The following ASCC3 variants were observed in gnomAD, a reference collection of about 807,000 sequenced individuals.
The protein encoded by ASCC3 is activating signal cointegrator 1 complex subunit 3.
A neutral mutation model predicts 256.3 loss-of-function variants in ASCC3; 158 were observed. That is an observed-to-expected ratio of 0.62 (90% CI 0.54 to 0.70). The LOEUF is 0.70. ASCC3 is among the 30% of genes least tolerant of loss of function. ASCC3 has a pLI of 0.00. For missense variants in ASCC3, 2,259 were observed against 2,626.0 expected, an observed-to-expected ratio of 0.86 and a Z score of 3.05; for synonymous variants, 948 against 883.4, an observed-to-expected ratio of 1.07 and a Z score of -1.30.
At chr6:100,543,226 C>G (rs192276863) in intron 36 of ASCC3, among the ~76,000 whole-genome samples, 1 of 123,306 alleles carries the variant, frequency 8.1e-6, no homozygotes, top group Non-Finnish European at 1.9e-5. Flanking sequence ...CTTAATACAA[C>G]GTAAATGCTA....
At chr6:100,826,587 C>A (rs1336100133) in intron 4 of ASCC3, among the ~76,000 whole-genome samples, 2 of 152,198 alleles carry the variant, frequency 1.3e-5, no homozygotes, top group Non-Finnish European at 2.9e-5. Context: ...CTGACCCTCA[C>A]AAGTTTTAGA....
At chr6:100,510,410 C>T (rs1380596885) in intron 40 of ASCC3, 4 of 311,788 alleles carry the variant, frequency 1.3e-5, no homozygotes, top group East Asian at 6.3e-5. Context: ...AATTCTCATG[C>T]TATTCCTACA....
intron 10 of ASCC3, among the ~76,000 whole-genome samples, chr6:100,750,248 A>T (rs949854863): frequency 6.6e-6 from 1 of 152,036 alleles, no homozygotes; most frequent in Admixed American, 6.6e-5. Context: ...GAACTTTTAG[A>T]CATTTAATAA....
chr6:100,636,290 G>A (rs549540582), intron 25 of ASCC3, among the ~76,000 whole-genome samples: 1 of 151,854 alleles, frequency 6.6e-6, no homozygotes, highest in African/African-American at 2.4e-5. Context: ...TTATTATATC[G>A]GTTATGGTGA....
chr6:100,681,101 A>G (rs1277762206), intron 13 of ASCC3, among the ~76,000 whole-genome samples: 2 of 152,190 alleles, frequency 1.3e-5, no homozygotes, highest in South Asian at 2.1e-4. Flanking sequence ...TGTCAAGGTA[A>G]GTGTTCCACA....
intron 8 of ASCC3, among the ~76,000 whole-genome samples, chr6:100,782,592 T>G (rs1012711448): frequency 6.6e-6 from 1 of 152,208 alleles, no homozygotes; most frequent in African/African-American, 2.4e-5. Flanking sequence ...CAAAATTGTG[T>G]ATGCATAAGA....
intron 3 of ASCC3, among the ~76,000 whole-genome samples, chr6:100,854,168 T>G (rs1772825328): frequency 6.6e-6 from 1 of 151,976 alleles, no homozygotes; most frequent in East Asian, 1.9e-4. Flanking sequence ...TTTTTTTTTT[T>G]TTGAGGGGGA....
intron 36 of ASCC3, among the ~76,000 whole-genome samples, chr6:100,550,541 C>T (rs74896337): frequency 0.016 from 2,496 of 152,056 alleles, 60 homozygotes; most frequent in African/African-American, 0.057. Context: ...CAATGATCTG[C>T]TCCAATGGTA....
intron 36 of ASCC3, among the ~76,000 whole-genome samples, chr6:100,588,312 T>G (rs1446317452): frequency 6.6e-6 from 1 of 152,106 alleles, no homozygotes; most frequent in Admixed American, 6.6e-5. Context: ...AAATGTGAGA[T>G]TAGATAAATA....
intron 16 of ASCC3, among the ~76,000 whole-genome samples, chr6:100,661,024 T>G (rs928530889): frequency 1.3e-5 from 2 of 151,718 alleles, no homozygotes; most frequent in African/African-American, 2.4e-5. Context: ...GTACCTAATA[T>G]AGGACTTTGT....
At chr6:100,611,151 C>T (rs994754511) in intron 30 of ASCC3, among the ~76,000 whole-genome samples, 1 of 152,084 alleles carries the variant, frequency 6.6e-6, no homozygotes, top group African/African-American at 2.4e-5. Flanking sequence ...ATCTCCTAGA[C>T]CCCACTTTCA....
At chr6:100,854,905 GATT>G (rs1400119784) in intron 3 of ASCC3, among the ~76,000 whole-genome samples, 1 of 152,060 alleles carries the variant, frequency 6.6e-6, no homozygotes, top group Non-Finnish European at 1.5e-5. Context: ...AAACAAAAAA[GATT>G]ATTTTCACTT....
chr6:100,578,221 A>T (rs1251845235), intron 36 of ASCC3, among the ~76,000 whole-genome samples: 1 of 152,070 alleles, frequency 6.6e-6, no homozygotes, highest in Admixed American at 6.6e-5. Context: ...AACATATAGA[A>T]TTTTTACCAA....
chr6:100,800,283 C>CTTTTCCTGGCTGAAAAGCCAGCATT lies in ASCC3; in HGVS notation c.1127+16_1127+17insAATGCTGGCTTTTCAGCCAGGAAAA, dbSNP rs1419876004. The CTTTTCCTGGCTGAAAAGCCAGCATT allele has an allele frequency of 1.2e-6, 2 of 1,611,230 alleles. No individual in the cohort carries two copies. Among genetic ancestry groups the CTTTTCCTGGCTGAAAAGCCAGCATT allele is most frequent in the African/African-American group, 1.3e-5 (1 of 74,952 alleles). On this transcript the variant is annotated intron_variant, in intron 6 of 41. Transcript: ENST00000369162. ...CAATTACAACACAAGCATTTTTCAG[C>CTTTTCCTGGCTGAAAAGCCAGCATT]TCCTGGCTTTTATTACCTTTGTATC...
chr6:100,818,056 T>C (rs1562318713), intron 4 of ASCC3, among the ~76,000 whole-genome samples: 1 of 152,022 alleles, frequency 6.6e-6, no homozygotes, highest in African/African-American at 2.4e-5. Flanking sequence ...TAAATCATGA[T>C]AGTGAGATTA....
intron 17 of ASCC3, among the ~76,000 whole-genome samples, chr6:100,653,675 T>C (rs575005680): frequency 3.4e-4 from 52 of 151,662 alleles, no homozygotes; most frequent in African/African-American, 1.2e-3. Flanking sequence ...TACTTTTTAC[T>C]TTTATTATTA....
intron 5 of ASCC3, among the ~76,000 whole-genome samples, chr6:100,802,821 G>A (rs1769984527): frequency 6.6e-6 from 1 of 151,724 alleles, no homozygotes; most frequent in South Asian, 2.1e-4. Flanking sequence ...GCAACATGGG[G>A]AGATCTCATC....
chr6:100,590,271 G>A (rs1488822083), intron 34 of ASCC3, among the ~76,000 whole-genome samples: 3 of 152,064 alleles, frequency 2.0e-5, no homozygotes, highest in African/African-American at 7.2e-5. Flanking sequence ...AGTGCTTACA[G>A]AATAAATGTC....
chr6:100,868,543 G>A (rs1435291092), intron 1 of ASCC3, among the ~76,000 whole-genome samples: 1 of 152,164 alleles, frequency 6.6e-6, no homozygotes, highest in African/African-American at 2.4e-5. Context: ...CCCAGTCGCT[G>A]TCTATCAAAG....
Sources: gnomAD v4.1 joint callset for allele counts (sites outside exome capture counted in the v4.1 genomes callset) on GRCh38, gnomAD v4.1.1 for gene constraint, MANE v1.5 for transcripts, NCBI Gene and HGNC (gene_info 2026-07-23, HGNC 2026-07-21) for gene names.